The following LOXHD1 variants were observed in gnomAD, a reference collection of about 807,000 sequenced individuals.
LOXHD1 encodes the protein lipoxygenase homology PLAT domains 1, also known as lipoxygenase homology domain-containing protein 1.
Under a neutral mutation model 248.2 loss-of-function variants are expected in LOXHD1, and 205 were observed. That is an observed-to-expected ratio of 0.83 (90% CI 0.74 to 0.93). The LOEUF (loss-of-function observed/expected upper bound fraction) is 0.93, where lower values mean the gene tolerates loss of function less well. Among genes scored for constraint, LOXHD1 ranks in the 40% least tolerant of loss-of-function variants. The pLI, the probability that LOXHD1 is intolerant of heterozygous loss-of-function variation, is 0.00. For synonymous variants in LOXHD1, 1,113 were observed against 1,162.8 expected, an observed-to-expected ratio of 0.96 and a Z score of 0.87; for missense variants, 2,930 against 2,971.6, an observed-to-expected ratio of 0.99 and a Z score of 0.33.
At chr18:46,617,276 T>C (rs1396785442) in intron 5 of LOXHD1, among the ~76,000 whole-genome samples, 1 of 152,282 alleles carries the variant, frequency 6.6e-6, no homozygotes, top group Non-Finnish European at 1.5e-5. Context: ...GATGAGCAAA[T>C]TTTTTCCTGG....
intron 4 of LOXHD1, among the ~76,000 whole-genome samples, chr18:46,625,788 G>T (rs1253467169): frequency 6.6e-6 from 1 of 152,094 alleles, no homozygotes; most frequent in African/African-American, 2.4e-5. Context: ...GCCCAGCCCT[G>T]AAGAGCTATT....
At chr18:46,493,075 CT>C (rs2143688953) in intron 37 of LOXHD1, among the ~76,000 whole-genome samples, 1 of 152,284 alleles carries the variant, frequency 6.6e-6, no homozygotes, top group African/African-American at 2.4e-5. Flanking sequence ...TTTTCCACTC[CT>C]CTGATTTTAT....
intron 27 of LOXHD1, chr18:46,533,593 C>T: frequency 2.3e-6 from 1 of 428,888 alleles, no homozygotes; most frequent in Non-Finnish European, 4.2e-6. Context: ...GACTCAGATT[C>T]AGTGGGTAAG....
At chr18:46,506,292 T>C (rs1232760231) in intron 36 of LOXHD1, among the ~76,000 whole-genome samples, 1 of 152,244 alleles carries the variant, frequency 6.6e-6, no homozygotes, top group Admixed American at 6.5e-5. Context: ...ACAAAACTCA[T>C]CTATTTCTGG....
chr18:46,487,208 G>A (rs1461886930), intron 38 of LOXHD1, among the ~76,000 whole-genome samples: 1 of 152,174 alleles, frequency 6.6e-6, no homozygotes, highest in Non-Finnish European at 1.5e-5. Flanking sequence ...GCTACTGTGG[G>A]CTTAGGAGGC....
chr18:46,493,105 T>G (rs1158354904), intron 37 of LOXHD1, among the ~76,000 whole-genome samples: 2 of 152,234 alleles, frequency 1.3e-5, no homozygotes, highest in African/African-American at 4.8e-5. Context: ...ACTCACAACT[T>G]CACTTACTCT....
intron 4 of LOXHD1, 119 bp from the exon 5 acceptor site, chr18:46,618,409 T>C: frequency 1.4e-6 from 1 of 692,894 alleles, no homozygotes; most frequent in South Asian, 1.7e-5. Flanking sequence ...ATTGTCACCA[T>C]TACTGTCAAT....
chr18:46,622,570 A>T (rs1054520043), intron 4 of LOXHD1, among the ~76,000 whole-genome samples: 1 of 152,040 alleles, frequency 6.6e-6, no homozygotes, highest in Non-Finnish European at 1.5e-5. Flanking sequence ...TGTGGCCTGG[A>T]ATGGGAGCAA....
At chr18:46,636,897 G>A (rs113450231) in intron 4 of LOXHD1, among the ~76,000 whole-genome samples, 12,534 of 152,294 alleles carry the variant, frequency 0.082, 676 homozygotes, top group Non-Finnish European at 0.13. Flanking sequence ...TGTAATCCCA[G>A]CACTTTGGGA....
chr18:46,576,431 C>T (rs1217475236), intron 14 of LOXHD1, among the ~76,000 whole-genome samples: 4 of 152,114 alleles, frequency 2.6e-5, no homozygotes, highest in Non-Finnish European at 5.9e-5. Flanking sequence ...CCCTTGCCAA[C>T]CTCTGGATGA....
At chr18:46,545,921 G>A (rs1333011883) in intron 22 of LOXHD1, among the ~76,000 whole-genome samples, 10 of 137,320 alleles carry the variant, frequency 7.3e-5, no homozygotes, top group South Asian at 2.6e-4. Flanking sequence ...GAGCCACCGC[G>A]CCTCTTGGCC....
intron 40 of LOXHD1, among the ~76,000 whole-genome samples, chr18:46,478,329 G>A (rs1307143826): frequency 5.9e-5 from 9 of 152,050 alleles, no homozygotes; most frequent in South Asian, 4.2e-4. Context: ...GATTACAGGC[G>A]TGAGCCACTG....
chr18:46,644,929 G>A (rs984299833), intron 2 of LOXHD1, among the ~76,000 whole-genome samples: 22 of 152,206 alleles, frequency 1.4e-4, no homozygotes, highest in South Asian at 1.0e-3. Flanking sequence ...AGAGCAGAGG[G>A]AGTGCTCCAC....
intron 23 of LOXHD1, among the ~76,000 whole-genome samples, chr18:46,543,752 A>G (rs988198283): frequency 1.3e-5 from 2 of 151,866 alleles, no homozygotes; most frequent in African/African-American, 4.9e-5. Flanking sequence ...ACTCAAAATC[A>G]TCCGGGAGAC....
intron 23 of LOXHD1, among the ~76,000 whole-genome samples, chr18:46,543,915 A>G (rs1056118550): frequency 8.5e-5 from 13 of 152,290 alleles, no homozygotes; most frequent in East Asian, 5.8e-4. Context: ...TCTCTGGAGC[A>G]TCTTCTCTGG....
chr18:46,518,366 T>G, intron 33 of LOXHD1, 110 bp from the exon 34 acceptor site: 1 of 1,323,664 alleles, frequency 7.6e-7, no homozygotes, highest in Non-Finnish European at 1.0e-6. Context: ...TCCACAGCTC[T>G]GGAAAGAGCC....
rs1012092442 is a variant in LOXHD1, at chr18:46,657,040, G to A, written c.-7C>T. On this transcript the variant is annotated 5_prime_UTR_variant, in exon 1 of 41. Transcript: ENST00000642948. ...TTTTCTTCTGGGGCATCATTCTGTCGGCTGCCTTCTCCCAGCGCTCGCAGG... is the reference window on the plus strand; with the variant it reads ...TTTTCTTCTGGGGCATCATTCTGTCAGCTGCCTTCTCCCAGCGCTCGCAGG... 6.4e-7 allele frequency: 1 copy of A among 1,551,546 alleles called. No individual in the cohort carries two copies. The highest frequency in any genetic ancestry group is 8.7e-7 in the Non-Finnish European group (1 of 1,146,916).
At chr18:46,636,233 G>A (rs559138598) in intron 4 of LOXHD1, among the ~76,000 whole-genome samples, 1 of 152,294 alleles carries the variant, frequency 6.6e-6, no homozygotes, top group Admixed American at 6.5e-5. Flanking sequence ...AGGGGTTAGA[G>A]GTTGGGTACT....
chr18:46,483,543 T>C (rs1242536580), intron 40 of LOXHD1, 44 bp downstream of exon 40: 11 of 1,550,176 alleles, frequency 7.1e-6, no homozygotes, highest in Non-Finnish European at 8.7e-6. Flanking sequence ...CCCTGCCCCA[T>C]GCTGAGGGAG....
Sources: gnomAD v4.1 joint callset for allele counts (sites outside exome capture counted in the v4.1 genomes callset) on GRCh38, gnomAD v4.1.1 for gene constraint, MANE v1.5 for transcripts, NCBI Gene and HGNC (gene_info 2026-07-23, HGNC 2026-07-21) for gene names.